SLC28A3: variants seen among roughly 807,000 people sequenced by gnomAD.
The protein encoded by SLC28A3 is solute carrier family 28 member 3, also known as concentrative Na(+)-nucleoside cotransporter 3.
SLC28A3 carries 68 observed loss-of-function variants against 84.2 expected under a neutral mutation model. The ratio of observed to expected loss-of-function variants is 0.81; its 90% CI spans 0.66 to 0.99. The LOEUF is 0.99. Ranked by LOEUF, SLC28A3 falls within the 50% of genes least tolerant of loss-of-function variation. The pLI, the probability that SLC28A3 is intolerant of heterozygous loss-of-function variation, is 0.00. For synonymous variants in SLC28A3, 267 were observed against 303.6 expected (o/e 0.88, Z 1.25); for missense variants, 712 against 841.5 (o/e 0.85, Z 1.90).
chr9:84,340,779 C>T (rs1006922119), upstream of SLC28A3: 8 of 792,130 alleles, frequency 1.0e-5, no homozygotes, highest in East Asian at 5.2e-5. Context: ...GCAATAATCT[C>T]CTGAATGACT....
intron 1 of SLC28A3, among the ~76,000 whole-genome samples, chr9:84,331,306 C>T (rs1826777058): frequency 6.6e-6 from 1 of 152,154 alleles, no homozygotes; most frequent in African/African-American, 2.4e-5. Context: ...TGAAAGAGTA[C>T]TCAATGTGAT....
upstream of SLC28A3, among the ~76,000 whole-genome samples, chr9:84,343,307 A>T (rs1238642095): frequency 1.3e-5 from 2 of 152,172 alleles, no homozygotes; most frequent in Non-Finnish European, 2.9e-5. Context: ...TTGCTCACAT[A>T]GCTGGGACTG....
At chr9:84,296,851 A>T (rs1456795852) in intron 8 of SLC28A3, among the ~76,000 whole-genome samples, 4 of 152,238 alleles carry the variant, frequency 2.6e-5, no homozygotes, top group African/African-American at 7.2e-5. Flanking sequence ...CCCATCAGCC[A>T]TTCACTGCCA....
chr9:84,350,240 A>G, the SLC28A3 span, among the ~76,000 whole-genome samples: 2 of 152,184 alleles, frequency 1.3e-5, no homozygotes, highest in African/African-American at 4.8e-5. Flanking sequence ...TCTGGAGTTC[A>G]AGACCAGCCT....
In SLC28A3 at chr9:84,290,205, G is replaced by A. The variant is rs374694932; in HGVS notation, c.1098C>T (p.Ala366=). Residue 366 remains alanine, a synonymous_variant, in exon 11 of 18, where the codon GCC becomes GCT. Transcript: ENST00000376238. The stretch of plus-strand genomic sequence containing the variant: ...CGCTTCCAGCAATGGTAGAGAACCC[G>A]GCGGTCATGATGGCGTGGAGTTCAG... The part of the protein sequence containing the change: ...TKSELHAIMT[A]GFSTIAGSVL... 39 of 1,614,132 alleles carry A rather than the reference G, an allele frequency of 2.4e-5. No individual in the cohort carries two copies. In the East Asian group the frequency reaches 4.2e-4, roughly 18 times the overall value.
chr9:84,283,648 T>C (rs1411242821), intron 14 of SLC28A3, among the ~76,000 whole-genome samples: 1 of 152,192 alleles, frequency 6.6e-6, no homozygotes, highest in African/African-American at 2.4e-5. Context: ...ACAGGCAAAG[T>C]ATTATCTTTA....
intron 10 of SLC28A3, 43 bp downstream of exon 10, chr9:84,292,625 T>G: frequency 1.4e-6 from 2 of 1,475,248 alleles, no homozygotes; most frequent in Non-Finnish European, 1.9e-6. Context: ...AAAGAGACGA[T>G]CCATTTCAAC....
intron 13 of SLC28A3, 108 bp downstream of exon 13, chr9:84,285,835 T>C: frequency 8.0e-7 from 1 of 1,256,238 alleles, no homozygotes; most frequent in Non-Finnish European, 1.1e-6. Context: ...GCTTCTACGG[T>C]GTGGAAGAGT....
At chr9:84,302,742 G>A (rs911894986) in intron 4 of SLC28A3, among the ~76,000 whole-genome samples, 1 of 152,106 alleles carries the variant, frequency 6.6e-6, no homozygotes, top group Non-Finnish European at 1.5e-5. Flanking sequence ...ATCAGAGAAA[G>A]GCCGAGTGTT....
chr9:84,292,469 C>G (rs1825266336), intron 10 of SLC28A3, 199 bp downstream of exon 10: 1 of 396,434 alleles, frequency 2.5e-6, no homozygotes, highest in Non-Finnish European at 4.4e-6. Flanking sequence ...CTCTGTCTCT[C>G]TCTCTGTCTC....
At chr9:84,300,530 C>T (rs1825587554) in intron 5 of SLC28A3, among the ~76,000 whole-genome samples, 4 of 152,220 alleles carry the variant, frequency 2.6e-5, no homozygotes, top group African/African-American at 4.8e-5. Context: ...TCAGGACTCA[C>T]GGCTTGCACA....
Position 84,305,254 on chromosome 9 carries a change from C to G in SLC28A3, c.334G>C (p.Gly112Arg), listed in dbSNP as rs768377281. 2.5e-6 allele frequency: 4 copies of G among 1,607,518 alleles called. No individual in the cohort carries two copies. Among genetic ancestry groups the G allele is most frequent in the Non-Finnish European group, 3.4e-6 (4 of 1,177,722 alleles). Residue 112 changes from glycine (G) to arginine (R), a missense_variant and splice_region_variant, in exon 4 of 18, where the codon GGT becomes CGT. Coordinates refer to ENST00000376238, the MANE Select transcript of SLC28A3 (RefSeq NM_001199633.2). Reference sequence around the variant, plus strand: ...ATCCCTAACCATCTTTGTTATTTACCTGCTAATAAAATGCCCCAGATGATG... The same window carrying G: ...ATCCCTAACCATCTTTGTTATTTACGTGCTAATAAAATGCCCCAGATGATG... Reference protein sequence around the residue: ...RHIIWGILLAGYLVMVISACV... With the variant: ...RHIIWGILLARYLVMVISACV...
chr9:84,332,290 G>A (rs2118588618), intron 1 of SLC28A3, among the ~76,000 whole-genome samples: 1 of 152,292 alleles, frequency 6.6e-6, no homozygotes, highest in East Asian at 1.9e-4. Context: ...CAGTGATGGT[G>A]TAAGAGCTAA....
chr9:84,333,925 T>C (rs1470683903), intron 1 of SLC28A3, among the ~76,000 whole-genome samples: 1 of 152,154 alleles, frequency 6.6e-6, no homozygotes. Flanking sequence ...CAGCAAAATG[T>C]ATAAGTTGTG....
chr9:84,295,134 G>GC lies in SLC28A3; in HGVS notation c.862-860dup, dbSNP rs199613245. Among the ~76,000 whole-genome samples the GC allele has an allele frequency of 5.0e-3, 764 of 152,018 alleles. 5 individuals carry two copies. Among genetic ancestry groups the GC allele is most frequent in the African/African-American group, 0.017 (720 of 41,460 alleles). ...TTTTCTTTGGCCGCTCAAACATGGT[G>GC]CCCCCCCTACTGAAGTCAATAGGGG... is the stretch of plus-strand genomic sequence containing the variant. On this transcript the variant is annotated intron_variant, in intron 8 of 17. Coordinates refer to ENST00000376238, the MANE Select transcript of SLC28A3 (RefSeq NM_001199633.2).
intron 2 of SLC28A3, chr9:84,310,503 T>C: frequency 2.0e-6 from 2 of 985,344 alleles, no homozygotes; most frequent in Non-Finnish European, 2.4e-6. Context: ...TAGATGGAGG[T>C]GGAGCAGTTT....
At chr9:84,313,257 C>T (rs1371647907) in intron 2 of SLC28A3, 102 bp downstream of exon 2, 8 of 908,744 alleles carry the variant, frequency 8.8e-6, no homozygotes, top group East Asian at 2.5e-5. Context: ...TGTTCCTCTG[C>T]GTGCCAGTGG....
intron 13 of SLC28A3, among the ~76,000 whole-genome samples, 161 bp from the exon 14 acceptor site, chr9:84,285,703 G>A (rs925238681): frequency 7.9e-5 from 12 of 152,046 alleles, no homozygotes; most frequent in Non-Finnish European, 1.5e-4. Flanking sequence ...GCTAGAAATC[G>A]GTCATTTGAA....
Position 84,286,094 on chromosome 9 carries a change from A to G in SLC28A3, c.1298T>C (p.Leu433Pro). Residue 433 changes from leucine to proline, a missense_variant, in exon 13 of 18, where the codon CTA becomes CCA. Transcript: ENST00000376238. ...GGATGCTCCCTGTGTTGCAGCTTCT[A>G]GAAGATTCCCTGAATCACTTTATCA... The part of the protein sequence containing the change: ...KMESGDSGNL[L>P]EAATQGASSS... 6.2e-7 allele frequency: 1 copy of G among 1,613,746 alleles called. No individual in the cohort carries two copies. Among genetic ancestry groups the G allele is most frequent in the Middle Eastern group, 1.7e-4 (1 of 6,058 alleles).
Sources: gnomAD v4.1 joint callset for allele counts (sites outside exome capture counted in the v4.1 genomes callset) on GRCh38, gnomAD v4.1.1 for gene constraint, MANE v1.5 for transcripts, NCBI Gene and HGNC (gene_info 2026-07-23, HGNC 2026-07-21) for gene names.